ZNF451: variants seen among roughly 807,000 people sequenced by gnomAD.
ZNF451 encodes the protein zinc finger protein 451.
A neutral mutation model predicts 107.1 loss-of-function variants in ZNF451; 80 were observed. The ratio of observed to expected loss-of-function variants is 0.75; its 90% CI spans 0.62 to 0.90. ZNF451 has a LOEUF of 0.90. Among genes scored for constraint, ZNF451 ranks in the 40% least tolerant of loss-of-function variants. ZNF451 has a pLI of 0.00. For synonymous variants in ZNF451, 362 were observed against 406.5 expected (o/e 0.89, Z 1.32); for missense variants, 1,107 against 1,236.2 (o/e 0.90, Z 1.57).
chr6:57,150,609 T>C, intron 10 of ZNF451, 110 bp from the exon 11 acceptor site: 3 of 1,094,072 alleles, frequency 2.7e-6, no homozygotes, highest in Non-Finnish European at 3.9e-6. Context: ...ATGAGTAACA[T>C]TCAAGGTTAG....
At chr6:57,107,091 A>G (rs913026713) in intron 3 of ZNF451, 1 of 985,062 alleles carries the variant, frequency 1.0e-6, no homozygotes, top group Non-Finnish European at 1.2e-6. Flanking sequence ...TACCATTGAG[A>G]TAACTTATTA....
At chr6:57,123,972 C>T (rs1252769168) in intron 3 of ZNF451, among the ~76,000 whole-genome samples, 2 of 152,146 alleles carry the variant, frequency 1.3e-5, no homozygotes, top group Non-Finnish European at 2.9e-5. Context: ...TTTCTTCCTT[C>T]GCAATCTGTG....
chr6:57,161,685 G>GT (rs1195590867), intron 14 of ZNF451, among the ~76,000 whole-genome samples: 13 of 151,592 alleles, frequency 8.6e-5, no homozygotes, highest in East Asian at 3.9e-4. Context: ...TTTTAAAAGG[G>GT]TTTTTTTTGT....
Position 57,141,927 on chromosome 6 carries a change from A to T in ZNF451, c.857-21A>T, listed in dbSNP as rs202161081. On this transcript the variant is annotated intron_variant, in intron 8 of 14. Coordinates refer to ENST00000370706, the MANE Select transcript of ZNF451 (RefSeq NM_001031623.3). ...CTGTACTCAAATAACTTTGCAAATT[A>T]TAGTTTATTTTGTCTTTCAGATAAC... 472 of 1,607,982 alleles carry T rather than the reference A, an allele frequency of 2.9e-4. 2 individuals carry two copies. The African/African-American group carries it at 5.3e-3, about 18-fold the overall frequency.
intron 4 of ZNF451, chr6:57,126,551 G>A (rs538601494): frequency 1.1e-4 from 16 of 152,212 alleles, no homozygotes; most frequent in African/African-American, 3.9e-4. Flanking sequence ...AATTGTTGGT[G>A]TCTTCACTAT....
chr6:57,163,612 G>A (rs1033335382), intron 14 of ZNF451, among the ~76,000 whole-genome samples: 5 of 150,130 alleles, frequency 3.3e-5, no homozygotes, highest in African/African-American at 1.2e-4. Flanking sequence ...CACCACGCCC[G>A]GCTAATTTTT....
At chr6:57,090,297 TG>T (rs1453958935) in intron 1 of ZNF451, 23 bp downstream of exon 1, 1 of 1,609,974 alleles carries the variant, frequency 6.2e-7, no homozygotes, top group Non-Finnish European at 8.5e-7. Context: ...GTGAGGGTCC[TG>T]GCGTTCTCAG....
chr6:57,096,723 A>G (rs7771115), intron 2 of ZNF451, among the ~76,000 whole-genome samples: 20,829 of 143,580 alleles, frequency 0.15, 1,542 homozygotes, highest in Middle Eastern at 0.2. Context: ...GGGAAAAGCT[A>G]TCATTTTAAT....
chr6:57,093,641 T>TA (rs1424574605), intron 2 of ZNF451, among the ~76,000 whole-genome samples: 1 of 152,204 alleles, frequency 6.6e-6, no homozygotes, highest in African/African-American at 2.4e-5. Context: ...ATAGTGCTGT[T>TA]AAAAAAGGAC....
chr6:57,108,229 T>C (rs1829958713), intron 3 of ZNF451: 2 of 985,324 alleles, frequency 2.0e-6, no homozygotes, highest in Non-Finnish European at 1.2e-6. Context: ...AGACTAACTT[T>C]CATATGCTAT....
chr6:57,090,400 G>C, intron 1 of ZNF451, 126 bp downstream of exon 1: 4 of 1,442,518 alleles, frequency 2.8e-6, no homozygotes, highest in Non-Finnish European at 3.7e-6. Context: ...GTCTTGGGCC[G>C]AGCCCAGCTC....
chr6:57,146,492 A>G lies in ZNF451; in HGVS notation c.1005-598A>G, dbSNP rs143677718. Among the ~76,000 whole-genome samples the G allele has an allele frequency of 3.9e-4, 59 of 152,242 alleles. No individual in the cohort carries two copies. The East Asian group carries it at 0.011, about 29-fold the overall frequency. On this transcript the variant is annotated intron_variant, in intron 9 of 14. Transcript: ENST00000370706. ...TTTATTCTTCTGCATATGGCTGTCA[A>G]GTTTTATCAGCACCATTTATTAAAT... is the stretch of plus-strand genomic sequence containing the variant.
Position 57,148,251 on chromosome 6 carries a change from T to C in ZNF451, c.2166T>C (p.Cys722=). The change falls in exon 10 of 15, where the codon TGT becomes TGC. Residue 722 remains cysteine (C), a synonymous_variant. Transcript: ENST00000370706. Reference sequence around the variant, plus strand: ...TAGAGACCAGTAACCAGTTAACTTGTGGTTGCCGTGAGAGTTACATCTGTA... The same window carrying C: ...TAGAGACCAGTAACCAGTTAACTTGCGGTTGCCGTGAGAGTTACATCTGTA... ...PVIETSNQLT[C]GCRESYICKV... The C allele has an allele frequency of 6.2e-7, 1 of 1,614,016 alleles. No homozygotes were observed. The highest frequency in any genetic ancestry group is 1.7e-5 in the Admixed American group (1 of 59,990).
chr6:57,096,985 G>C (rs1005487587), intron 2 of ZNF451, among the ~76,000 whole-genome samples: 1 of 151,664 alleles, frequency 6.6e-6, no homozygotes, highest in Non-Finnish European at 1.5e-5. Flanking sequence ...GGCCAGGCTG[G>C]TCTTGAACTC....
chr6:57,100,512 T>C, intron 3 of ZNF451: 5 of 1,352,500 alleles, frequency 3.7e-6, no homozygotes, highest in Non-Finnish European at 4.9e-6. Context: ...GAGTTCTACT[T>C]ACTGGACATG....
In ZNF451 at chr6:57,101,289, T is replaced by A; in HGVS notation, c.186+2148T>A. ...GTGAAGGGAAACCTGATTGTGTGAC[T>A]TCTAAAAAACGTTTGGTTCCTCCAT... On this transcript the variant is annotated intron_variant, in intron 3 of 14. Transcript: ENST00000370706. The A allele has an allele frequency of 5.8e-6, 9 of 1,550,912 alleles. 1 individual carries two copies. Among genetic ancestry groups the A allele is most frequent in the Non-Finnish European group, 7.0e-6 (8 of 1,147,048 alleles).
At chr6:57,103,815 C>T (rs190302060) in intron 3 of ZNF451, 1 of 985,294 alleles carries the variant, frequency 1.0e-6, no homozygotes, top group African/African-American at 1.7e-5. Context: ...TCTCTGGTGC[C>T]ACACTTTTTA....
Position 57,109,764 on chromosome 6 carries a change from A to G in ZNF451, c.186+10623A>G, listed in dbSNP as rs1467238129. The G allele has an allele frequency of 3.4e-6, 3 of 892,260 alleles. No individual in the cohort carries two copies. The East Asian group carries it at 3.6e-4, about 107-fold the overall frequency. The allele number at this position is 892,260 out of a possible 1,614,324, so 55.3% of individuals were successfully genotyped here. ...GCTAAGAAATGCTCATAATAATAAAATAAGAGAATGTAGAATGAGGAGTTA... is the reference window on the plus strand; with the variant it reads ...GCTAAGAAATGCTCATAATAATAAAGTAAGAGAATGTAGAATGAGGAGTTA... On this transcript the variant is annotated intron_variant, in intron 3 of 14. Coordinates refer to ENST00000370706, the MANE Select transcript of ZNF451 (RefSeq NM_001031623.3).
At chr6:57,166,110 C>A (rs1763885613) in intron 14 of ZNF451, among the ~76,000 whole-genome samples, 1 of 151,838 alleles carries the variant, frequency 6.6e-6, no homozygotes, top group Admixed American at 6.6e-5. Context: ...TCACTGCAAC[C>A]TCCGCCTCCC....
Sources: gnomAD v4.1 joint callset for allele counts (sites outside exome capture counted in the v4.1 genomes callset) on GRCh38, gnomAD v4.1.1 for gene constraint, MANE v1.5 for transcripts, NCBI Gene and HGNC (gene_info 2026-07-23, HGNC 2026-07-21) for gene names.